NAT1: variants seen among roughly 807,000 people sequenced by gnomAD.
The protein encoded by NAT1 is arylamine N-acetyltransferase 1.
For missense variants in NAT1, 400 were observed against 339.2 expected (o/e 1.18, Z -1.41); for synonymous variants, 144 against 122.6 (o/e 1.17, Z -1.16).
chr8:18,214,620 C>T (rs1804446294), intron 1 of NAT1, among the ~76,000 whole-genome samples: 1 of 150,886 alleles, frequency 6.6e-6, no homozygotes, highest in Non-Finnish European at 1.5e-5. Context: ...CGAACTTTCC[C>T]AGAATTTTCT....
intron 1 of NAT1, chr8:18,170,617 A>C (rs900581508): frequency 2.6e-5 from 4 of 152,106 alleles, no homozygotes; most frequent in African/African-American, 9.7e-5. Flanking sequence ...TGGTTCTAGA[A>C]TCCTTTTCTT....
intron 2 of NAT1, among the ~76,000 whole-genome samples, chr8:18,180,112 T>C (rs570166952): frequency 1.3e-4 from 20 of 151,862 alleles, no homozygotes; most frequent in African/African-American, 4.6e-4. Context: ...GGAAGGAGAA[T>C]TGGGGGAGCT....
chr8:18,176,175 ATTGTTT>A (rs2117204489), intron 2 of NAT1, among the ~76,000 whole-genome samples: 2 of 152,038 alleles, frequency 1.3e-5, no homozygotes, highest in South Asian at 4.1e-4. Context: ...ACTTCTGTTA[ATTGTTT>A]CTTTTGCCGT....
intron 2 of NAT1, among the ~76,000 whole-genome samples, chr8:18,195,839 G>A (rs1386849287): frequency 2.0e-5 from 3 of 151,664 alleles, no homozygotes; most frequent in Admixed American, 2.0e-4. Flanking sequence ...CATTCTACCT[G>A]ATGGGGATCA....
intron 1 of NAT1, among the ~76,000 whole-genome samples, chr8:18,217,529 T>C (rs1804806193): frequency 6.6e-6 from 1 of 152,168 alleles, no homozygotes; most frequent in African/African-American, 2.4e-5. Flanking sequence ...CAGCTTTTAG[T>C]ATTTGGGAAA....
chr8:18,213,819 T>C (rs1050888995), intron 1 of NAT1, among the ~76,000 whole-genome samples: 1 of 141,568 alleles, frequency 7.1e-6, no homozygotes, highest in African/African-American at 2.6e-5. Flanking sequence ...GTCATATTTC[T>C]TTTTTTTTTT....
At chr8:18,194,743 C>G (rs1803161299) in intron 2 of NAT1, among the ~76,000 whole-genome samples, 1 of 151,858 alleles carries the variant, frequency 6.6e-6, no homozygotes, top group East Asian at 1.9e-4. Context: ...TCGCTTGAAC[C>G]CTGGGGGTGG....
intron 2 of NAT1, among the ~76,000 whole-genome samples, chr8:18,219,873 G>A (rs1241533134): frequency 6.6e-6 from 1 of 152,106 alleles, no homozygotes; most frequent in Non-Finnish European, 1.5e-5. Context: ...AGGAGGGGAA[G>A]GGTGGAGGGA....
Position 18,222,842 on chromosome 8 carries a change from A to G in NAT1, c.795A>G (p.Lys265=). 6.2e-7 allele frequency: 1 copy of G among 1,603,226 alleles called. No individual in the cohort carries two copies. Among genetic ancestry groups the G allele is most frequent in the South Asian group, 1.1e-5 (1 of 87,710 alleles). Reference sequence around the variant, plus strand: ...CTCTGAGTGAGGAAGAAATAGAAAAAGTGCTGAAAAATATATTTAATATTT... The same window carrying G: ...CTCTGAGTGAGGAAGAAATAGAAAAGGTGCTGAAAAATATATTTAATATTT... ...FKTLSEEEIE[K]VLKNIFNISL... is the part of the protein sequence containing the mutation. Residue 265 remains lysine, a synonymous_variant, in exon 3 of 3, where the codon AAA becomes AAG. Coordinates refer to ENST00000307719, the MANE Select transcript of NAT1 (RefSeq NM_000662.8).
At chr8:18,171,432 G>T (rs1056713717) in intron 2 of NAT1, among the ~76,000 whole-genome samples, 1 of 152,132 alleles carries the variant, frequency 6.6e-6, no homozygotes, top group Non-Finnish European at 1.5e-5. Context: ...TTAAGCAACA[G>T]ACTAAGGACA....
chr8:18,181,504 T>C (rs1292590974), intron 2 of NAT1, among the ~76,000 whole-genome samples: 1 of 152,210 alleles, frequency 6.6e-6, no homozygotes, highest in Non-Finnish European at 1.5e-5. Context: ...CACCATGTCA[T>C]CTGTAAACAG....
intron 2 of NAT1, among the ~76,000 whole-genome samples, chr8:18,189,186 G>C (rs1196049180): frequency 6.6e-6 from 1 of 151,968 alleles, no homozygotes; most frequent in Non-Finnish European, 1.5e-5. Context: ...GGTAGCATTA[G>C]GGGTTCCTTG....
intron 2 of NAT1, among the ~76,000 whole-genome samples, chr8:18,204,160 T>C (rs910551578): frequency 4.9e-5 from 7 of 143,790 alleles, no homozygotes; most frequent in Admixed American, 4.6e-4. Context: ...TTTTTGGATG[T>C]CTTTCTCTCT....
intron 2 of NAT1, among the ~76,000 whole-genome samples, chr8:18,177,612 T>A (rs562088086): frequency 6.6e-6 from 1 of 152,260 alleles, no homozygotes; most frequent in East Asian, 1.9e-4. Context: ...AATGAGGATA[T>A]ATGTGTTAAT....
At chr8:18,180,253 G>C (rs1802459701) in intron 2 of NAT1, among the ~76,000 whole-genome samples, 1 of 152,072 alleles carries the variant, frequency 6.6e-6, no homozygotes. Flanking sequence ...GAAAATTAGT[G>C]CTAGAGTTGG....
chr8:18,183,126 A>T (rs1276661069), intron 2 of NAT1, among the ~76,000 whole-genome samples: 1 of 152,148 alleles, frequency 6.6e-6, no homozygotes, highest in African/African-American at 2.4e-5. Flanking sequence ...CACCAACCAG[A>T]GGGGAGAAGA....
chr8:18,212,893 G>A (rs1325350641), intron 1 of NAT1: 3 of 151,732 alleles, frequency 2.0e-5, no homozygotes, highest in Non-Finnish European at 4.4e-5. Context: ...CCATACCTAC[G>A]GTGGAAACCA....
intron 2 of NAT1, among the ~76,000 whole-genome samples, chr8:18,188,671 T>C (rs1802843997): frequency 6.6e-6 from 1 of 152,128 alleles, no homozygotes. Context: ...AATTTAATTT[T>C]TTAATTGATA....
intron 2 of NAT1, among the ~76,000 whole-genome samples, chr8:18,171,920 A>C (rs2117190269): frequency 6.6e-6 from 1 of 152,296 alleles, no homozygotes; most frequent in East Asian, 1.9e-4. Context: ...TTTAGGGAAA[A>C]ATTTTTCTTG....
Sources: allele counts gnomAD v4.1 joint callset (sites outside exome capture counted in the v4.1 genomes callset), GRCh38; gene constraint gnomAD v4.1.1; transcripts MANE v1.5; gene names NCBI Gene and HGNC (gene_info 2026-07-23, HGNC 2026-07-21).